SLC39A11: variants seen among roughly 807,000 people sequenced by gnomAD.
SLC39A11 encodes zinc transporter ZIP11.
In SLC39A11, 33 loss-of-function variants were observed where a neutral mutation model predicts 36.1. That is an observed-to-expected ratio of 0.91 (90% CI 0.69 to 1.22). The LOEUF is 1.22. SLC39A11 is among the 50% of genes most tolerant of loss of function. The pLI is 0.00. For synonymous variants in SLC39A11, 166 were observed against 170.3 expected, an observed-to-expected ratio of 0.97 and a Z score of 0.20; for missense variants, 432 against 430.3, an observed-to-expected ratio of 1.00 and a Z score of -0.03.
chr17:72,936,867 G>A lies in SLC39A11; in HGVS notation c.430+10885C>T, dbSNP rs539012766. 2.6e-5 allele frequency among the ~76,000 whole-genome samples: 4 copies of A among 152,276 alleles called. 1 individual carries two copies. The highest frequency in any genetic ancestry group is 7.2e-5 in the African/African-American group (3 of 41,556). On this transcript the variant is annotated intron_variant, in intron 5 of 9. Coordinates refer to ENST00000255559, the MANE Select transcript of SLC39A11 (RefSeq NM_139177.4). ...GTGTGCCGTTCACAACAGGGTTCTC[G>A]CTCCTGTGAGAATCTAATGCTGCTG... is the stretch of plus-strand genomic sequence containing the variant.
intron 5 of SLC39A11, among the ~76,000 whole-genome samples, chr17:72,873,654 C>T (rs1035062624): frequency 3.1e-4 from 47 of 152,094 alleles, no homozygotes; most frequent in African/African-American, 1.1e-3. Flanking sequence ...CAATTTCCCA[C>T]CCCCTGACTC....
intron 5 of SLC39A11, among the ~76,000 whole-genome samples, chr17:72,914,320 G>GGGA (rs1555629381): frequency 1.4e-5 from 2 of 141,426 alleles, no homozygotes; most frequent in East Asian, 2.1e-4. Context: ...CATCTCGGGG[G>GGGA]AAAAAAAAAA....
chr17:73,050,610 C>T (rs1368532743), intron 3 of SLC39A11, among the ~76,000 whole-genome samples: 2 of 151,952 alleles, frequency 1.3e-5, no homozygotes, highest in African/African-American at 4.8e-5. Flanking sequence ...ACTGCAGGCA[C>T]GCACCACCAC....
chr17:72,680,451 C>T (rs2071464008), intron 7 of SLC39A11, among the ~76,000 whole-genome samples: 1 of 152,198 alleles, frequency 6.6e-6, no homozygotes, highest in Non-Finnish European at 1.5e-5. Flanking sequence ...CTTTCCCATG[C>T]TGTTCTCATG....
chr17:73,033,417 A>C (rs981169968), intron 3 of SLC39A11, among the ~76,000 whole-genome samples: 8 of 152,356 alleles, frequency 5.3e-5, no homozygotes, highest in African/African-American at 1.4e-4. Context: ...AAGTCAATTC[A>C]ATAAAAGGTT....
chr17:72,996,540 T>G (rs2089514681), intron 4 of SLC39A11, among the ~76,000 whole-genome samples: 1 of 152,136 alleles, frequency 6.6e-6, no homozygotes, highest in South Asian at 2.1e-4. Flanking sequence ...TCAGCAACCC[T>G]CAGCACTCCT....
intron 6 of SLC39A11, among the ~76,000 whole-genome samples, chr17:72,773,762 T>C (rs1568067368): frequency 6.6e-6 from 1 of 152,134 alleles, no homozygotes; most frequent in Non-Finnish European, 1.5e-5. Context: ...CTTGACCATT[T>C]CTATGACCAT....
intron 5 of SLC39A11, among the ~76,000 whole-genome samples, chr17:72,866,529 A>G (rs2080311558): frequency 6.6e-6 from 1 of 152,204 alleles, no homozygotes; most frequent in Admixed American, 6.5e-5. Flanking sequence ...TTAAAGTAGT[A>G]TACCAAATCT....
chr17:72,655,142 A>C (rs2143923964), intron 7 of SLC39A11, among the ~76,000 whole-genome samples: 1 of 152,322 alleles, frequency 6.6e-6, no homozygotes, highest in South Asian at 2.1e-4. Flanking sequence ...TTTGCTCCCC[A>C]GCAGGGGCTG....
intron 5 of SLC39A11, among the ~76,000 whole-genome samples, chr17:72,943,934 C>T (rs1373507102): frequency 6.6e-6 from 1 of 152,130 alleles, no homozygotes; most frequent in Non-Finnish European, 1.5e-5. Flanking sequence ...CAGGGGGAAC[C>T]TAAGTGCTGG....
chr17:72,663,938 G>C, intron 7 of SLC39A11: 3 of 153,854 alleles, frequency 1.9e-5, no homozygotes. Flanking sequence ...GGAGGTTCTA[G>C]CAGGGGAGCG....
chr17:72,806,257 T>C (rs1301295416), intron 6 of SLC39A11, among the ~76,000 whole-genome samples: 5 of 152,218 alleles, frequency 3.3e-5, no homozygotes, highest in Non-Finnish European at 5.9e-5. Context: ...TAAGGAAGGG[T>C]ACAAGTCTGA....
intron 5 of SLC39A11, among the ~76,000 whole-genome samples, chr17:72,857,144 C>T (rs544033402): frequency 2.4e-4 from 36 of 152,128 alleles, no homozygotes; most frequent in Non-Finnish European, 4.3e-4. Flanking sequence ...CACCCTCCAC[C>T]CTCAAGCAGG....
chr17:72,846,993 G>A (rs547621577), intron 6 of SLC39A11, among the ~76,000 whole-genome samples: 37 of 152,200 alleles, frequency 2.4e-4, no homozygotes, highest in African/African-American at 7.5e-4. Context: ...TTTAAGATAC[G>A]GGGTGGGCAC....
chr17:73,027,951 G>A (rs1026025207), intron 4 of SLC39A11, among the ~76,000 whole-genome samples: 6 of 152,172 alleles, frequency 3.9e-5, no homozygotes, highest in East Asian at 1.9e-4. Context: ...CCAAGCAGAC[G>A]TGTCCCCAGG....
chr17:72,725,446 T>C (rs958102783), intron 7 of SLC39A11: 2 of 152,202 alleles, frequency 1.3e-5, no homozygotes, highest in Admixed American at 6.5e-5. Flanking sequence ...ACAGCCAGAA[T>C]ATAAGGATGT....
intron 3 of SLC39A11, among the ~76,000 whole-genome samples, chr17:73,059,270 A>C (rs974735662): frequency 1.3e-5 from 2 of 152,232 alleles, no homozygotes; most frequent in African/African-American, 4.8e-5. Flanking sequence ...ATATTCATGA[A>C]ATGTTAGTAT....
At chr17:73,049,404 G>A (rs1239270578) in intron 3 of SLC39A11, among the ~76,000 whole-genome samples, 2 of 152,070 alleles carry the variant, frequency 1.3e-5, no homozygotes, top group Non-Finnish European at 2.9e-5. Context: ...GGGCGGACGC[G>A]CCTTCCAGGA....
intron 6 of SLC39A11, among the ~76,000 whole-genome samples, chr17:72,770,977 T>G (rs2915446): frequency 0.18 from 27,732 of 151,950 alleles, 3,356 homozygotes; most frequent in East Asian, 0.37. Context: ...CACACTTTGG[T>G]TATAATGAAT....
Sources: allele counts gnomAD v4.1 joint callset (sites outside exome capture counted in the v4.1 genomes callset), GRCh38; gene constraint gnomAD v4.1.1; transcripts MANE v1.5; gene names NCBI Gene and HGNC (gene_info 2026-07-23, HGNC 2026-07-21).